TRPV1: variants seen among roughly 807,000 people sequenced by gnomAD.
The protein encoded by TRPV1 is OTRPC1.
Under a neutral mutation model 82.3 loss-of-function variants are expected in TRPV1, and 82 were observed. That is an observed-to-expected ratio of 1.00 (90% confidence interval 0.83 to 1.20). The LOEUF is 1.20. Ranked by LOEUF, TRPV1 falls within the 50% of genes most tolerant of loss-of-function variation. TRPV1 has a pLI of 0.00. For synonymous variants in TRPV1, 515 were observed against 467.7 expected (o/e 1.10, Z -1.30); for missense variants, 1,067 against 1,096.8 (o/e 0.97, Z 0.38).
At position 3,588,346 on chromosome 17, in the gene TRPV1, G is replaced by T; in HGVS notation, c.1066C>A (p.Arg356=). 1 of 1,560,524 alleles carries T rather than the reference G, an allele frequency of 6.4e-7. No homozygotes were observed. The highest frequency in any genetic ancestry group is 8.7e-7 in the Non-Finnish European group (1 of 1,152,330). The change falls in exon 8 of 17, where the codon CGG becomes AGG. Residue 356 remains arginine, a synonymous_variant. Transcript: ENST00000572705. ...KIGVLAYILQ[R]EIQEPECRHL... ...CTGCACTCGGGCTCCTGGATCTCCCGCTGGAGAATATAGGCCAAGACCTGC... is the reference window on the plus strand; with the variant it reads ...CTGCACTCGGGCTCCTGGATCTCCCTCTGGAGAATATAGGCCAAGACCTGC...
chr17:3,584,872 G>T (rs555557378), intron 9 of TRPV1, among the ~76,000 whole-genome samples: 1 of 152,366 alleles, frequency 6.6e-6, no homozygotes, highest in South Asian at 2.1e-4. Context: ...AGTGTCCTGG[G>T]TATCAGACAC....
At chr17:3,567,787 A>G (rs1390168306) in intron 16 of TRPV1, among the ~76,000 whole-genome samples, 1 of 151,936 alleles carries the variant, frequency 6.6e-6, no homozygotes, top group Non-Finnish European at 1.5e-5. Flanking sequence ...AAAAAAAAAA[A>G]AAGAAAAAAA....
Position 3,586,072 on chromosome 17 carries a change from G to A in TRPV1, c.1225-146C>T, listed in dbSNP as rs534733031. 3.6e-5 allele frequency: 38 copies of A among 1,049,758 alleles called. No homozygotes were observed. In the East Asian group the frequency reaches 5.8e-4, roughly 16 times the overall value. The allele number at this position is 1,049,758 out of a possible 1,614,324, so 65.0% of individuals were successfully genotyped here. On this transcript the variant is annotated intron_variant, in intron 8 of 16. Transcript: ENST00000572705. ...GTGAGATGGGAGGTCTGAGCCAGCCGGCAGCCATAGCCTGGGGCTGGTCCC... is the reference window on the plus strand; with the variant it reads ...GTGAGATGGGAGGTCTGAGCCAGCCAGCAGCCATAGCCTGGGGCTGGTCCC...
In TRPV1 at chr17:3,566,785, A is replaced by G; in HGVS notation, c.*30T>C. The stretch of plus-strand genomic sequence containing the variant: ...GTGGCAACGGGGTCTCCTAAGGCCC[A>G]GTGTTGACAGTGCTGTCTGCGTGAC... On this transcript the variant is annotated 3_prime_UTR_variant, in exon 17 of 17. Coordinates refer to ENST00000572705, the MANE Select transcript of TRPV1 (RefSeq NM_080704.4). 1 of 1,608,674 alleles carries G rather than the reference A, an allele frequency of 6.2e-7. No homozygotes were observed. Among genetic ancestry groups the G allele is most frequent in the South Asian group, 1.1e-5 (1 of 90,538 alleles).
intron 2 of TRPV1, among the ~76,000 whole-genome samples, chr17:3,594,157 C>CAAAAAAAAAAAAA (rs1567673368): frequency 9.0e-6 from 1 of 111,242 alleles, no homozygotes; most frequent in African/African-American, 7.2e-5. Flanking sequence ...AAAAAAGAAG[C>CAAAAAAAAAAAAA]AGCAGCAGCA....
At chr17:3,600,219 G>T (rs532459387) in intron 2 of TRPV1, among the ~76,000 whole-genome samples, 1 of 152,298 alleles carries the variant, frequency 6.6e-6, no homozygotes, top group Non-Finnish European at 1.5e-5. Context: ...TAGAGCAATG[G>T]CTGGGAAAGG....
rs766359224 is a variant in TRPV1 at position 3,590,279 on chromosome 17, T to C, written c.718A>G (p.Thr240Ala). The C allele has an allele frequency of 6.2e-7, 1 of 1,613,916 alleles. No homozygotes were observed. Among genetic ancestry groups the C allele is most frequent in the Non-Finnish European group, 8.5e-7 (1 of 1,179,868 alleles). Residue 240 changes from threonine to alanine, a missense_variant, in exon 6 of 17, where the codon ACC (threonine) becomes GCC (alanine). Thr to Ala is a moderately conservative substitution (Grantham distance 58, BLOSUM62 0). Coordinates refer to ENST00000572705, the MANE Select transcript of TRPV1 (RefSeq NM_080704.4). The part of the protein sequence containing the change: ...AAAHGDFFKK[T>A]KGRPGFYFGE... ...AAGTAGAATCCAGGCCGCCCTTTGGTTTTCTTAAAGAAGTCCCCATGGGCC... is the reference window on the plus strand; with the variant it reads ...AAGTAGAATCCAGGCCGCCCTTTGGCTTTCTTAAAGAAGTCCCCATGGGCC...
At chr17:3,583,251 A>C (rs1395090477) in intron 10 of TRPV1, 87 bp downstream of exon 10, 9 of 1,177,982 alleles carry the variant, frequency 7.6e-6, no homozygotes, top group Non-Finnish European at 1.1e-5. Context: ...TGTCTGATGA[A>C]TTAAAAAGTG....
Position 3,577,688 on chromosome 17 carries a change from C to A in TRPV1, c.1623G>T (p.Met541Ile). 6.3e-7 allele frequency: 1 copy of A among 1,588,520 alleles called. No individual in the cohort carries two copies. The highest frequency in any genetic ancestry group is 8.6e-7 in the Non-Finnish European group (1 of 1,167,950). ...FSHLKEYVAS[M>I]VFSLALGWTN... ...TCCAGCCCAAGGCCAGGGAGAATAC[C>A]ATGGAAGCCACATACTCCTTGAGGT... The change falls in exon 12 of 17, where the codon ATG (methionine) becomes ATT (isoleucine). Residue 541 changes from methionine to isoleucine, a missense_variant. Physicochemically the swap from Met to Ile is conservative, Grantham distance 10 (BLOSUM62 1). Coordinates refer to ENST00000572705, the MANE Select transcript of TRPV1 (RefSeq NM_080704.4).
At chr17:3,595,397 C>G (rs1415626882) in intron 2 of TRPV1, among the ~76,000 whole-genome samples, 2 of 152,080 alleles carry the variant, frequency 1.3e-5, no homozygotes, top group East Asian at 1.9e-4. Context: ...GTCTGGGGCT[C>G]TTTCTCAGCA....
chr17:3,583,382 C>A lies in TRPV1; in HGVS notation c.1432G>T (p.Glu478Ter), dbSNP rs747257189. Reference sequence around the variant, plus strand: ...ACTCCTCCTAACACAGACAGGATCTCTCCAGTAACTCGGAAATAGTCTCCA... The same window carrying A: ...ACTCCTCCTAACACAGACAGGATCTATCCAGTAACTCGGAAATAGTCTCCA... ...KTGDYFRVTG[E>*]ILSVLGGVYF... is the part of the protein sequence containing the mutation. The change falls in exon 10 of 17, where the codon GAG (glutamate) becomes TAG (stop). Residue 478 changes from glutamate to a stop codon, truncating the protein, a stop_gained. Transcript: ENST00000572705. LOFTEE classifies it high-confidence loss of function. The A allele has an allele frequency of 1.9e-6, 3 of 1,610,338 alleles. No homozygotes were observed. The highest frequency in any genetic ancestry group is 2.5e-6 in the Non-Finnish European group (3 of 1,178,376).
rs557326176 is a variant in TRPV1 at position 3,577,377 on chromosome 17, G to C, written c.1714-185C>G. On this transcript the variant is annotated intron_variant, in intron 12 of 16. Coordinates refer to ENST00000572705, the MANE Select transcript of TRPV1 (RefSeq NM_080704.4). Reference sequence around the variant, plus strand: ...CCCCCATAGCCTTTGTTCTGGTCGGGAGATGGAGGCCTGGTGTGCAGGGGG... The same window carrying C: ...CCCCCATAGCCTTTGTTCTGGTCGGCAGATGGAGGCCTGGTGTGCAGGGGG... 9.8e-5 allele frequency among the ~76,000 whole-genome samples: 15 copies of C among 152,326 alleles called. No homozygotes were observed. In the South Asian group the frequency reaches 2.7e-3, roughly 27 times the overall value.
Position 3,590,409 on chromosome 17 carries a change from C to G in TRPV1, c.605-17G>C. 6.2e-7 allele frequency: 1 copy of G among 1,610,458 alleles called. No individual in the cohort carries two copies. Among genetic ancestry groups the G allele is most frequent in the Non-Finnish European group, 8.5e-7 (1 of 1,177,886 alleles). ...CTGTCTGGCCTACAGAGGACGCGCACGGTTGGCTTCGTGGTCACGGTCCTG... is the reference window on the plus strand; with the variant it reads ...CTGTCTGGCCTACAGAGGACGCGCAGGGTTGGCTTCGTGGTCACGGTCCTG... On this transcript the variant is annotated splice_polypyrimidine_tract_variant and intron_variant, in intron 5 of 16. Coordinates refer to ENST00000572705, the MANE Select transcript of TRPV1 (RefSeq NM_080704.4).
intron 13 of TRPV1, among the ~76,000 whole-genome samples, chr17:3,576,874 G>GA (rs1266750050): frequency 2.1e-5 from 3 of 142,148 alleles, no homozygotes; most frequent in African/African-American, 7.7e-5. Context: ...AAAAAAAGTT[G>GA]AAAAAACAAC....
At chr17:3,596,048 C>T (rs966660701) in intron 2 of TRPV1, among the ~76,000 whole-genome samples, 9 of 152,276 alleles carry the variant, frequency 5.9e-5, no homozygotes, top group East Asian at 5.8e-4. Flanking sequence ...TTTAGGCAAA[C>T]GAGTGTTGGC....
intron 2 of TRPV1, among the ~76,000 whole-genome samples, chr17:3,607,043 C>T (rs544074286): frequency 6.6e-6 from 1 of 152,236 alleles, no homozygotes; most frequent in East Asian, 1.9e-4. Flanking sequence ...ACTCATTTGG[C>T]TGAAAGAAAA....
At chr17:3,574,037 C>A in intron 13 of TRPV1, 82 bp from the exon 14 acceptor site, 1 of 1,219,980 alleles carries the variant, frequency 8.2e-7, no homozygotes, top group South Asian at 1.6e-5. Context: ...CCTGCTCAGT[C>A]AGTCTCAAAT....
chr17:3,589,982 T>G lies in TRPV1; in HGVS notation c.869A>C (p.His290Pro). Residue 290 changes from histidine (H) to proline (P), a missense_variant, in exon 7 of 17, where the codon CAC becomes CCC. Physicochemically the swap from His to Pro is moderately conservative, Grantham distance 77. Coordinates refer to ENST00000572705, the MANE Select transcript of TRPV1 (RefSeq NM_080704.4). ...ARDSVGNTVL[H>P]ALVEVADNTA... is the part of the protein sequence containing the mutation. ...GTTGTCGGCCACCTCCACCAGGGCG[T>G]GCAGCACCGTGTTGCCCACCGAGTC... 6.4e-7 allele frequency: 1 copy of G among 1,560,562 alleles called. No individual in the cohort carries two copies. The highest frequency in any genetic ancestry group is 8.7e-7 in the Non-Finnish European group (1 of 1,152,778).
chr17:3,571,444 T>C, intron 16 of TRPV1, 80 bp downstream of exon 16: 1 of 1,167,728 alleles, frequency 8.6e-7, no homozygotes, highest in Non-Finnish European at 1.2e-6. Context: ...CGGCAAGGCG[T>C]GGGGAACCTG....
Sources: allele counts gnomAD v4.1 joint callset (sites outside exome capture counted in the v4.1 genomes callset), GRCh38; gene constraint gnomAD v4.1.1; transcripts MANE v1.5; gene names NCBI Gene and HGNC (gene_info 2026-07-23, HGNC 2026-07-21).